CDK14: variants seen among roughly 807,000 people sequenced by gnomAD.
The protein encoded by CDK14 is cyclin dependent kinase 14, also known as cyclin-dependent kinase 14.
CDK14 carries 34 observed loss-of-function variants against 60.7 expected under a neutral mutation model. That is an observed-to-expected ratio of 0.56 (90% CI 0.43 to 0.75). The LOEUF (loss-of-function observed/expected upper bound fraction) is 0.75, where lower values mean the gene tolerates loss of function less well. Among genes scored for constraint, CDK14 ranks in the 30% least tolerant of loss-of-function variants. The probability of loss-of-function intolerance (pLI) is 0.00; values close to 1 mark genes in which losing one functional copy is unlikely to be tolerated. For missense variants in CDK14, 482 were observed against 564.1 expected, an observed-to-expected ratio of 0.85 and a Z score of 1.47; for synonymous variants, 197 against 203.7, an observed-to-expected ratio of 0.97 and a Z score of 0.28.
chr7:91,193,006 G>T lies in CDK14; in HGVS notation c.*29-14159G>T, dbSNP rs114655686. Among the ~76,000 whole-genome samples, 1,245 of 152,162 alleles carry T rather than the reference G, an allele frequency of 8.2e-3. 10 individuals carry two copies. The highest frequency in any genetic ancestry group is 0.027 in the African/African-American group (1,117 of 41,518). On this transcript the variant is annotated intron_variant, in intron 14 of 14. Transcript: ENST00000380050. Reference sequence around the variant, plus strand: ...TATTTTGTTTATTTTGGTTTTGTTTGCTTGATTATATTTTTCTCATATGGG... The same window carrying T: ...TATTTTGTTTATTTTGGTTTTGTTTTCTTGATTATATTTTTCTCATATGGG...
At chr7:90,699,268 C>T (rs1801731724) in intron 2 of CDK14, among the ~76,000 whole-genome samples, 1 of 152,176 alleles carries the variant, frequency 6.6e-6, no homozygotes, top group Non-Finnish European at 1.5e-5. Flanking sequence ...TACAAGCCCT[C>T]CTGCAGAAGT....
intron 4 of CDK14, among the ~76,000 whole-genome samples, chr7:90,778,338 C>G (rs950661685): frequency 6.6e-6 from 1 of 152,182 alleles, no homozygotes; most frequent in Non-Finnish European, 1.5e-5. Context: ...TTCAGTTTAT[C>G]CTAACAGCCT....
At chr7:91,039,598 A>G (rs530715850) in intron 10 of CDK14, among the ~76,000 whole-genome samples, 13 of 152,316 alleles carry the variant, frequency 8.5e-5, no homozygotes, top group Admixed American at 2.6e-4. Context: ...AGTTATCTAC[A>G]TAGAGAAAAT....
chr7:91,176,307 G>A (rs1801752570), intron 14 of CDK14, among the ~76,000 whole-genome samples: 2 of 152,232 alleles, frequency 1.3e-5, no homozygotes, highest in African/African-American at 4.8e-5. Context: ...CGCATTTAAA[G>A]TAGTGTGTAG....
chr7:90,757,238 G>A (rs1490888900), intron 4 of CDK14, among the ~76,000 whole-genome samples: 1 of 145,870 alleles, frequency 6.9e-6, no homozygotes, highest in South Asian at 2.2e-4. Flanking sequence ...GTGTGTGTGT[G>A]TGTGTGTGTG....
intron 2 of CDK14, among the ~76,000 whole-genome samples, chr7:90,688,755 A>C (rs1051658391): frequency 6.6e-6 from 1 of 152,180 alleles, no homozygotes; most frequent in African/African-American, 2.4e-5. Context: ...CAGGCACTAT[A>C]ATCTCCACTG....
chr7:91,135,351 G>A (rs891832146), intron 14 of CDK14, among the ~76,000 whole-genome samples: 2 of 152,148 alleles, frequency 1.3e-5, no homozygotes, highest in Non-Finnish European at 2.9e-5. Context: ...GCAGGGAATA[G>A]TTAATTACAA....
At chr7:91,058,828 G>A (rs192219638) in intron 11 of CDK14, among the ~76,000 whole-genome samples, 2 of 152,024 alleles carry the variant, frequency 1.3e-5, no homozygotes, top group Non-Finnish European at 2.9e-5. Flanking sequence ...GAGGATTTTT[G>A]CATCAATGTT....
chr7:90,795,963 C>A (rs1376635494), intron 5 of CDK14, among the ~76,000 whole-genome samples: 1 of 152,142 alleles, frequency 6.6e-6, no homozygotes, highest in Non-Finnish European at 1.5e-5. Flanking sequence ...TGTTGATGAT[C>A]TTCTTATTCA....
intron 8 of CDK14, among the ~76,000 whole-genome samples, chr7:90,953,847 T>G (rs1380798793): frequency 6.6e-6 from 1 of 152,184 alleles, no homozygotes. Flanking sequence ...CATAGGCATT[T>G]GAGGAACCAA....
chr7:91,015,433 C>G (rs58962347), intron 10 of CDK14, among the ~76,000 whole-genome samples: 14,695 of 151,394 alleles, frequency 0.097, 1,078 homozygotes, highest in East Asian at 0.36. Context: ...CAGAATTGCT[C>G]ACAATAATTG....
At chr7:90,991,681 A>G (rs1420916592) in intron 10 of CDK14, among the ~76,000 whole-genome samples, 1 of 152,198 alleles carries the variant, frequency 6.6e-6, no homozygotes, top group Non-Finnish European at 1.5e-5. Context: ...CCCAGAGGAA[A>G]AGAAAGATTT....
chr7:90,819,777 T>A (rs1228736789), intron 5 of CDK14, among the ~76,000 whole-genome samples: 1 of 152,200 alleles, frequency 6.6e-6, no homozygotes, highest in Non-Finnish European at 1.5e-5. Flanking sequence ...AACAGAATTA[T>A]CATCTTTTAG....
chr7:90,744,422 A>G (rs2116793765), intron 3 of CDK14, among the ~76,000 whole-genome samples: 1 of 152,314 alleles, frequency 6.6e-6, no homozygotes, highest in Non-Finnish European at 1.5e-5. Flanking sequence ...CTCTATACAG[A>G]CACGGCAACC....
At chr7:90,649,252 C>CTTTCTTTCTTTG (rs1800538383) in intron 2 of CDK14, among the ~76,000 whole-genome samples, 2 of 45,396 alleles carry the variant, frequency 4.4e-5, no homozygotes, top group South Asian at 7.7e-4. Flanking sequence ...TTCTTTCTTT[C>CTTTCTTTCTTTG]TTTCTTTCTT....
intron 9 of CDK14, among the ~76,000 whole-genome samples, chr7:90,982,651 C>T (rs1360621934): frequency 1.3e-5 from 2 of 152,156 alleles, no homozygotes; most frequent in Non-Finnish European, 2.9e-5. Flanking sequence ...GACTCTTATA[C>T]ATCAGGCTAA....
chr7:90,895,332 TC>T (rs1792263412), intron 6 of CDK14, among the ~76,000 whole-genome samples: 1 of 48,566 alleles, frequency 2.1e-5, no homozygotes, highest in African/African-American at 6.5e-5. Context: ...TCTCCTTTCC[TC>T]TCCTCTCCTC....
chr7:90,943,578 T>C (rs1794000376), intron 8 of CDK14, among the ~76,000 whole-genome samples: 1 of 152,222 alleles, frequency 6.6e-6, no homozygotes, highest in Non-Finnish European at 1.5e-5. Context: ...AATAGCCTTA[T>C]GGTATAAATA....
intron 3 of CDK14, among the ~76,000 whole-genome samples, chr7:90,734,894 C>G (rs1330355167): frequency 1.3e-5 from 2 of 152,086 alleles, no homozygotes; most frequent in Non-Finnish European, 2.9e-5. Context: ...AAGAGGTGTT[C>G]TGGTTTTTGT....
Sources: allele counts gnomAD v4.1 joint callset (sites outside exome capture counted in the v4.1 genomes callset), GRCh38; gene constraint gnomAD v4.1.1; transcripts MANE v1.5; gene names NCBI Gene and HGNC (gene_info 2026-07-23, HGNC 2026-07-21).